The following CDH9 variants were observed in gnomAD, a reference collection of about 807,000 sequenced individuals.
CDH9 encodes cadherin 9.
CDH9 carries 28 observed loss-of-function variants against 70.9 expected under a neutral mutation model. That is an observed-to-expected ratio of 0.40 (90% CI 0.29 to 0.54). The LOEUF (loss-of-function observed/expected upper bound fraction) is 0.54, where lower values mean the gene tolerates loss of function less well. Among genes scored for constraint, CDH9 ranks in the 20% least tolerant of loss-of-function variants. The probability of loss-of-function intolerance (pLI) is 0.59; values close to 1 mark genes in which losing one functional copy is unlikely to be tolerated. For missense variants in CDH9, 874 were observed against 984.4 expected (o/e 0.89, Z 1.50); for synonymous variants, 409 against 343.1 (o/e 1.19, Z -2.12).
intron 2 of CDH9, among the ~76,000 whole-genome samples, chr5:26,932,813 T>G (rs565637572): frequency 2.6e-5 from 4 of 151,672 alleles, no homozygotes; most frequent in South Asian, 4.1e-4. Flanking sequence ...TGTCCCTGAT[T>G]GTTTGTCTTG....
chr5:26,984,063 G>A lies in CDH9; in HGVS notation c.228+4043C>T, dbSNP rs577243512. On this transcript the variant is annotated intron_variant, in intron 2 of 11. Transcript: ENST00000231021. Reference sequence around the variant, plus strand: ...GTGTTTCCTGTTGTTTTAGGTAACAGATAAACCAATTGTAACCATGAAGGC... The same window carrying A: ...GTGTTTCCTGTTGTTTTAGGTAACAAATAAACCAATTGTAACCATGAAGGC... 2.6e-5 allele frequency among the ~76,000 whole-genome samples: 4 copies of A among 152,160 alleles called. No homozygotes were observed. The South Asian group carries it at 6.2e-4, about 24-fold the overall frequency.
intron 3 of CDH9, among the ~76,000 whole-genome samples, chr5:26,914,771 T>C (rs767531780): frequency 3.9e-5 from 6 of 152,080 alleles, no homozygotes; most frequent in Non-Finnish European, 7.4e-5. Context: ...AATCATACAC[T>C]GAAAACTGGT....
At chr5:26,972,768 A>G (rs1216661485) in intron 2 of CDH9, among the ~76,000 whole-genome samples, 1 of 152,178 alleles carries the variant, frequency 6.6e-6, no homozygotes, top group East Asian at 1.9e-4. Context: ...CCTGCACTTT[A>G]GTTGCAGATT....
intron 2 of CDH9, among the ~76,000 whole-genome samples, chr5:26,924,212 C>T (rs953274984): frequency 6.6e-6 from 1 of 151,676 alleles, no homozygotes; most frequent in Admixed American, 6.6e-5. Context: ...TAAAAAATGA[C>T]ATATTACGAC....
chr5:27,011,103 T>G (rs1392429794), intron 1 of CDH9, among the ~76,000 whole-genome samples: 1 of 151,874 alleles, frequency 6.6e-6, no homozygotes, highest in Non-Finnish European at 1.5e-5. Context: ...AAGTTAGAGG[T>G]GGGGGAGAAG....
intron 1 of CDH9, among the ~76,000 whole-genome samples, chr5:27,036,148 A>T (rs190862547): frequency 2.8e-4 from 42 of 152,080 alleles, no homozygotes; most frequent in African/African-American, 9.1e-4. Flanking sequence ...CATCTGCCTC[A>T]TATCACTATT....
At chr5:27,029,317 T>C (rs1743272577) in intron 1 of CDH9, among the ~76,000 whole-genome samples, 1 of 152,088 alleles carries the variant, frequency 6.6e-6, no homozygotes, top group African/African-American at 2.4e-5. Context: ...CTATAAAATA[T>C]TTCTCACATA....
At chr5:27,000,592 A>G (rs912438483) in intron 1 of CDH9, among the ~76,000 whole-genome samples, 7 of 152,164 alleles carry the variant, frequency 4.6e-5, no homozygotes, top group Non-Finnish European at 7.4e-5. Context: ...AGTAAACCAC[A>G]TAACATGGGA....
intron 1 of CDH9, among the ~76,000 whole-genome samples, chr5:27,026,204 C>A (rs1485163747): frequency 1.3e-5 from 2 of 151,762 alleles, no homozygotes. Flanking sequence ...AACACTGAAA[C>A]AAGAAATGGA....
chr5:26,886,002 T>G lies in CDH9; in HGVS notation c.1594A>C (p.Thr532Pro). 2 of 1,612,186 alleles carry G rather than the reference T, an allele frequency of 1.2e-6. No individual in the cohort carries two copies. Among genetic ancestry groups the G allele is most frequent in the South Asian group, 2.2e-5 (2 of 90,434 alleles). ...KFFFEPVPEF[T>P]LNPNFTIVDN... is the part of the protein sequence containing the mutation. ...ACAATGGTGAAATTCGGATTGAGAG[T>G]AAATTCTGGCACTGGTTCAAAAAAG... The change falls in exon 10 of 12, where the codon ACT (threonine) becomes CCT (proline). Residue 532 changes from threonine to proline, a missense_variant. Coordinates refer to ENST00000231021, the MANE Select transcript of CDH9 (RefSeq NM_016279.4).
intron 2 of CDH9, among the ~76,000 whole-genome samples, chr5:26,922,563 C>T (rs1433503055): frequency 6.6e-6 from 1 of 151,948 alleles, no homozygotes; most frequent in Non-Finnish European, 1.5e-5. Context: ...ACTTCATCAA[C>T]ACCAGACCTG....
In CDH9 at chr5:26,946,903, G is replaced by A. The variant is rs562172847; in HGVS notation, c.229-30979C>T. On this transcript the variant is annotated intron_variant, in intron 2 of 11. Coordinates refer to ENST00000231021, the MANE Select transcript of CDH9 (RefSeq NM_016279.4). ...GAAAACTCTAGATAAATACCATCAGGAGTCAGGCAAACCCTCACTGTTTAA... is the reference window on the plus strand; with the variant it reads ...GAAAACTCTAGATAAATACCATCAGAAGTCAGGCAAACCCTCACTGTTTAA... Among the ~76,000 whole-genome samples the A allele has an allele frequency of 3.3e-5, 5 of 152,278 alleles. No homozygotes were observed. In the East Asian group the frequency reaches 7.7e-4, roughly 24 times the overall value.
intron 2 of CDH9, among the ~76,000 whole-genome samples, chr5:26,967,660 A>T (rs567093263): frequency 9.2e-5 from 14 of 152,064 alleles, no homozygotes; most frequent in African/African-American, 3.1e-4. Context: ...TACTCACAAC[A>T]TCCTATTTTA....
chr5:26,895,318 G>T (rs183106549), intron 7 of CDH9, among the ~76,000 whole-genome samples: 280 of 151,846 alleles, frequency 1.8e-3, no homozygotes, highest in Non-Finnish European at 3.2e-3. Flanking sequence ...AATCTTTTTT[G>T]CAGAGATTAG....
chr5:26,934,696 T>A (rs1741528592), intron 2 of CDH9, among the ~76,000 whole-genome samples: 1 of 152,178 alleles, frequency 6.6e-6, no homozygotes, highest in Non-Finnish European at 1.5e-5. Context: ...TGCCATCATC[T>A]ACCACTGTTA....
At chr5:26,892,712 T>A (rs1194725809) in intron 7 of CDH9, among the ~76,000 whole-genome samples, 1 of 151,670 alleles carries the variant, frequency 6.6e-6, no homozygotes, top group East Asian at 1.9e-4. Context: ...GTACTGGCAT[T>A]TTTTTGTTGT....
chr5:26,974,093 A>T (rs1742265005), intron 2 of CDH9, among the ~76,000 whole-genome samples: 1 of 152,074 alleles, frequency 6.6e-6, no homozygotes, highest in African/African-American at 2.4e-5. Flanking sequence ...AAAACACAAA[A>T]ATTAGCCGGG....
intron 1 of CDH9, among the ~76,000 whole-genome samples, chr5:26,993,698 C>CAAA (rs34545141): frequency 0.045 from 2,308 of 50,840 alleles, 445 homozygotes; most frequent in African/African-American, 0.11. Flanking sequence ...TATTCAGCTG[C>CAAA]AAAAAAAAAA....
chr5:26,963,729 T>C (rs1742079307), intron 2 of CDH9, among the ~76,000 whole-genome samples: 1 of 152,110 alleles, frequency 6.6e-6, no homozygotes, highest in African/African-American at 2.4e-5. Context: ...GCCTTTGGCC[T>C]TCTTTAAAAA....
Sources: gnomAD v4.1 joint callset for allele counts (sites outside exome capture counted in the v4.1 genomes callset) on GRCh38, gnomAD v4.1.1 for gene constraint, MANE v1.5 for transcripts, NCBI Gene and HGNC (gene_info 2026-07-23, HGNC 2026-07-21) for gene names.